The following RTN1 variants were observed in gnomAD, a reference collection of about 807,000 sequenced individuals.
RTN1 encodes reticulon-1.
RTN1 carries 25 observed loss-of-function variants against 65.5 expected under a neutral mutation model. That is an observed-to-expected ratio of 0.38 (90% CI 0.28 to 0.53). The LOEUF (loss-of-function observed/expected upper bound fraction) is 0.53, where lower values mean the gene tolerates loss of function less well. Among genes scored for constraint, RTN1 ranks in the 20% least tolerant of loss-of-function variants. The pLI, the probability that RTN1 is intolerant of heterozygous loss-of-function variation, is 0.79. For synonymous variants in RTN1, 471 were observed against 447.6 expected, an observed-to-expected ratio of 1.05 and a Z score of -0.66; for missense variants, 983 against 1,025.4, an observed-to-expected ratio of 0.96 and a Z score of 0.57.
At chr14:59,673,160 C>T in intron 3 of RTN1, among the ~76,000 whole-genome samples, 1 of 152,212 alleles carries the variant, frequency 6.6e-6, no homozygotes, top group East Asian at 1.9e-4. Context: ...CCCTTTGGTA[C>T]TACTTCCCCA....
At chr14:59,685,933 A>G (rs565893203) in intron 3 of RTN1, among the ~76,000 whole-genome samples, 2 of 152,226 alleles carry the variant, frequency 1.3e-5, no homozygotes, top group Non-Finnish European at 2.9e-5. Flanking sequence ...CTATAAAGCT[A>G]TAGGAACCAA....
At chr14:59,701,790 C>A (rs1269812619) in intron 3 of RTN1, among the ~76,000 whole-genome samples, 1 of 152,082 alleles carries the variant, frequency 6.6e-6, no homozygotes, top group Non-Finnish European at 1.5e-5. Context: ...TGTGAAGGTA[C>A]TGAATTGTAC....
chr14:59,859,916 A>G (rs1887677934), intron 1 of RTN1, among the ~76,000 whole-genome samples: 1 of 152,244 alleles, frequency 6.6e-6, no homozygotes, highest in Admixed American at 6.5e-5. Flanking sequence ...GCAGCAAAGC[A>G]TTCAAGATGT....
At chr14:59,619,771 A>T (rs556163216) in intron 3 of RTN1, among the ~76,000 whole-genome samples, 15 of 152,132 alleles carry the variant, frequency 9.9e-5, no homozygotes, top group Non-Finnish European at 1.9e-4. Flanking sequence ...AGCCAAGGAG[A>T]AGGACATTTC....
chr14:59,635,806 G>A (rs535792040), intron 3 of RTN1, among the ~76,000 whole-genome samples: 2 of 152,272 alleles, frequency 1.3e-5, no homozygotes, highest in Admixed American at 6.5e-5. Flanking sequence ...ACTTAACATC[G>A]TTGATAGGTT....
intron 3 of RTN1, among the ~76,000 whole-genome samples, chr14:59,703,400 A>G (rs1459506683): frequency 1.3e-5 from 2 of 152,066 alleles, no homozygotes; most frequent in Admixed American, 6.6e-5. Flanking sequence ...TGATTGTTTA[A>G]AAGAGTGTGG....
intron 8 of RTN1, among the ~76,000 whole-genome samples, chr14:59,597,534 G>A (rs1179175730): frequency 6.6e-6 from 1 of 152,218 alleles, no homozygotes; most frequent in Admixed American, 6.5e-5. Flanking sequence ...GTGCCATGAG[G>A]TACCCTTCCA....
intron 3 of RTN1, among the ~76,000 whole-genome samples, chr14:59,634,475 A>C (rs1882622242): frequency 6.6e-6 from 1 of 152,236 alleles, no homozygotes; most frequent in Non-Finnish European, 1.5e-5. Flanking sequence ...AGTTTCAAAC[A>C]ATAGATTAGC....
chr14:59,720,101 A>C (rs1197613719), intron 3 of RTN1, among the ~76,000 whole-genome samples: 1 of 152,162 alleles, frequency 6.6e-6, no homozygotes, highest in Non-Finnish European at 1.5e-5. Context: ...ACCAAGGTAC[A>C]ATAACCATTT....
Position 59,607,337 on chromosome 14 carries a change from A to G in RTN1, c.1921T>C (p.Tyr641His). ...TGCACTGCTTGTAAAACAGACTTGT[A>G]GATGCGGAAACTGATGGTGGCTGAG... Reference protein sequence around the residue: ...ALSATISFRIYKSVLQAVQKT... With the variant: ...ALSATISFRIHKSVLQAVQKT... Residue 641 changes from tyrosine to histidine, a missense_variant, in exon 4 of 9, where the codon TAC (tyrosine) becomes CAC (histidine). Around this residue, in one of 2 missense-constraint regions of RTN1, gnomAD observed 165 missense variants for 223.6 expected, o/e 0.74. Coordinates refer to ENST00000267484, the MANE Select transcript of RTN1 (RefSeq NM_021136.3). 1 of 1,613,570 alleles carries G rather than the reference A, an allele frequency of 6.2e-7. No homozygotes were observed. The highest frequency in any genetic ancestry group is 8.5e-7 in the Non-Finnish European group (1 of 1,179,872).
intron 1 of RTN1, among the ~76,000 whole-genome samples, chr14:59,813,975 T>C (rs1281168627): frequency 1.3e-5 from 2 of 152,170 alleles, no homozygotes; most frequent in East Asian, 3.8e-4. Flanking sequence ...TTCAACTGCA[T>C]GTTATCAGAA....
chr14:59,624,485 G>A (rs530817869), intron 3 of RTN1, among the ~76,000 whole-genome samples: 5 of 148,134 alleles, frequency 3.4e-5, no homozygotes, highest in African/African-American at 1.0e-4. Context: ...TTTTTGAGAC[G>A]GCGTCTTGCT....
chr14:59,712,384 C>G (rs1884441932), intron 3 of RTN1, among the ~76,000 whole-genome samples: 3 of 152,098 alleles, frequency 2.0e-5, no homozygotes, highest in Admixed American at 6.5e-5. Flanking sequence ...AGGAACTAAG[C>G]ATATATTTAT....
intron 1 of RTN1, among the ~76,000 whole-genome samples, chr14:59,822,226 G>C (rs1307667524): frequency 6.6e-6 from 1 of 152,040 alleles, no homozygotes; most frequent in Non-Finnish European, 1.5e-5. Flanking sequence ...ATTTCTTCCT[G>C]GTTCAGTCTT....
At chr14:59,840,347 G>C (rs561434811) in intron 1 of RTN1, among the ~76,000 whole-genome samples, 38 of 152,246 alleles carry the variant, frequency 2.5e-4, no homozygotes, top group South Asian at 2.3e-3. Context: ...GCTGTAAATG[G>C]AAAGCCACCC....
chr14:59,809,452 T>G (rs150433439), intron 1 of RTN1, among the ~76,000 whole-genome samples: 2 of 152,186 alleles, frequency 1.3e-5, no homozygotes, highest in African/African-American at 4.8e-5. Context: ...TCTATAAGTA[T>G]GTTGGAATTT....
chr14:59,637,592 G>A (rs1363843093), intron 3 of RTN1, among the ~76,000 whole-genome samples: 2 of 151,516 alleles, frequency 1.3e-5, no homozygotes, highest in African/African-American at 2.4e-5. Context: ...CGTGCCTGTA[G>A]TCCCAGCTAC....
At chr14:59,842,180 T>C (rs1029476615) in intron 1 of RTN1, among the ~76,000 whole-genome samples, 2 of 151,268 alleles carry the variant, frequency 1.3e-5, no homozygotes, top group African/African-American at 4.9e-5. Context: ...AGCAGGTACA[T>C]GTCACAATAA....
chr14:59,620,414 G>A (rs937116015), intron 3 of RTN1, among the ~76,000 whole-genome samples: 3 of 152,078 alleles, frequency 2.0e-5, no homozygotes. Flanking sequence ...TGTGTGAAAC[G>A]GGGCTAGTCC....
Sources: gnomAD v4.1 joint callset for allele counts (sites outside exome capture counted in the v4.1 genomes callset) on GRCh38, gnomAD v4.1.1 for gene constraint, gnomAD v4.1.1 regional missense constraint, MANE v1.5 for transcripts, NCBI Gene and HGNC (gene_info 2026-07-23, HGNC 2026-07-21) for gene names.